Variants in NAV3 observed in about 807,000 individuals in gnomAD.
The protein encoded by NAV3 is neuron navigator 3, also known as pore membrane and/or filament interacting like protein 1.
NAV3 carries 87 observed loss-of-function variants against 244.7 expected under a neutral mutation model. The observed-to-expected ratio is 0.36, with a 90% confidence interval of 0.30 to 0.42. NAV3 has a LOEUF of 0.42. Among genes scored for constraint, NAV3 ranks in the 20% least tolerant of loss-of-function variants. The pLI, the probability that NAV3 is intolerant of heterozygous loss-of-function variation, is 1.00. For synonymous variants in NAV3, 1,126 were observed against 1,042.2 expected (o/e 1.08, Z -1.55); for missense variants, 2,663 against 2,893.3 (o/e 0.92, Z 1.83).
At chr12:77,679,996 G>A (rs1055278747) in intron 2 of NAV3, among the ~76,000 whole-genome samples, 14 of 152,120 alleles carry the variant, frequency 9.2e-5, no homozygotes, top group African/African-American at 3.1e-4. Flanking sequence ...GCTGAACTGA[G>A]TGAGAACGAA....
At position 78,210,537 on chromosome 12, in the gene NAV3, G is replaced by T; in HGVS notation, c.*20G>T. ...CTCTAGAGGGTGAAAAAAGTTAAGG[G>T]AAAAGACTTTGCTTTTAAAAAAATG... On this transcript the variant is annotated 3_prime_UTR_variant, in exon 40 of 40. Coordinates refer to ENST00000397909, the MANE Select transcript of NAV3 (RefSeq NM_001024383.2). 1.2e-6 allele frequency: 2 copies of T among 1,605,186 alleles called. No homozygotes were observed. Among genetic ancestry groups the T allele is most frequent in the South Asian group, 1.1e-5 (1 of 89,332 alleles).
chr12:78,089,853 C>T (rs866249926), intron 12 of NAV3, among the ~76,000 whole-genome samples: 4 of 152,146 alleles, frequency 2.6e-5, no homozygotes, highest in African/African-American at 4.8e-5. Flanking sequence ...TTCCATTCCT[C>T]TTTAACTTAA....
At chr12:77,847,648 A>G (rs370280038) in intron 1 of NAV3, among the ~76,000 whole-genome samples, 8 of 152,350 alleles carry the variant, frequency 5.3e-5, no homozygotes, top group African/African-American at 1.7e-4. Flanking sequence ...AAGATGCTAC[A>G]CAAAGTATTA....
At chr12:77,929,855 G>T (rs1419415345) in intron 1 of NAV3, among the ~76,000 whole-genome samples, 1 of 139,370 alleles carries the variant, frequency 7.2e-6, no homozygotes. Flanking sequence ...CACCATTTTG[G>T]CCAGGCTGGT....
intron 2 of NAV3, among the ~76,000 whole-genome samples, chr12:77,575,352 C>G (rs1417669423): frequency 2.0e-5 from 3 of 152,032 alleles, no homozygotes; most frequent in Non-Finnish European, 2.9e-5. Context: ...TAGTGTAGGA[C>G]TGGGTGAAAT....
chr12:77,595,146 GAAATA>G (rs1870109830), intron 2 of NAV3, among the ~76,000 whole-genome samples: 1 of 152,092 alleles, frequency 6.6e-6, no homozygotes, highest in South Asian at 2.1e-4. Context: ...CCAAGATATG[GAAATA>G]ACCCAAGTGT....
intron 1 of NAV3, among the ~76,000 whole-genome samples, chr12:77,886,152 T>A (rs888011737): frequency 6.6e-6 from 1 of 152,134 alleles, no homozygotes; most frequent in Non-Finnish European, 1.5e-5. Context: ...AATCTGACCA[T>A]TCTGCACCCA....
intron 23 of NAV3, among the ~76,000 whole-genome samples, chr12:78,160,404 C>T (rs10860044): frequency 0.017 from 2,454 of 144,764 alleles, 27 homozygotes; most frequent in Non-Finnish European, 0.025. Flanking sequence ...TGTGTGCGTG[C>T]GTGTGTGTGT....
At chr12:78,053,791 G>A (rs1433171394) in intron 11 of NAV3, among the ~76,000 whole-genome samples, 2 of 152,264 alleles carry the variant, frequency 1.3e-5, no homozygotes, top group East Asian at 1.9e-4. Context: ...AGCTGGAAAC[G>A]TCTGAGACTC....
intron 4 of NAV3, among the ~76,000 whole-genome samples, chr12:77,968,173 A>G (rs2137980002): frequency 6.6e-6 from 1 of 152,354 alleles, no homozygotes; most frequent in East Asian, 1.9e-4. Context: ...TTGTGAGGGA[A>G]TCAACATGCT....
intron 2 of NAV3, among the ~76,000 whole-genome samples, chr12:77,669,481 T>G (rs1873864994): frequency 1.3e-5 from 2 of 152,040 alleles, no homozygotes; most frequent in African/African-American, 4.8e-5. Context: ...AGGACTCACA[T>G]AAACTTAAGG....
At chr12:77,817,664 A>G (rs920128921) in intron 2 of NAV3, among the ~76,000 whole-genome samples, 1 of 152,018 alleles carries the variant, frequency 6.6e-6, no homozygotes, top group Non-Finnish European at 1.5e-5. Flanking sequence ...TTTCACTTTT[A>G]TTATAATTTT....
chr12:78,097,775 A>C (rs1005091914), intron 12 of NAV3, among the ~76,000 whole-genome samples: 1 of 152,154 alleles, frequency 6.6e-6, no homozygotes, highest in Admixed American at 6.5e-5. Context: ...AACCTTGTTC[A>C]CAGTTAGCTC....
intron 33 of NAV3, among the ~76,000 whole-genome samples, chr12:78,189,627 G>A (rs1958885952): frequency 6.6e-6 from 1 of 151,258 alleles, no homozygotes; most frequent in Non-Finnish European, 1.5e-5. Flanking sequence ...TATTCTTATA[G>A]TCTTCACATT....
chr12:77,711,886 C>G (rs1297420097), intron 2 of NAV3, among the ~76,000 whole-genome samples: 2 of 152,112 alleles, frequency 1.3e-5, no homozygotes, highest in Non-Finnish European at 2.9e-5. Flanking sequence ...TTTGTGTCTC[C>G]TGTATTTGGT....
intron 2 of NAV3, among the ~76,000 whole-genome samples, chr12:77,822,673 C>T (rs1283520165): frequency 1.3e-5 from 2 of 152,080 alleles, no homozygotes; most frequent in African/African-American, 4.8e-5. Flanking sequence ...AAACTTCATG[C>T]TCAGTATATC....
At chr12:78,114,014 C>G (rs1450003451) in intron 12 of NAV3, among the ~76,000 whole-genome samples, 1 of 152,160 alleles carries the variant, frequency 6.6e-6, no homozygotes, top group East Asian at 1.9e-4. Flanking sequence ...AATTATCGCT[C>G]TCAAGTTCAA....
chr12:78,206,284 A>C (rs1960299436), intron 39 of NAV3, among the ~76,000 whole-genome samples: 1 of 152,164 alleles, frequency 6.6e-6, no homozygotes, highest in African/African-American at 2.4e-5. Context: ...CTTTTAGATG[A>C]TTCATAGTTA....
intron 12 of NAV3, among the ~76,000 whole-genome samples, chr12:78,070,910 C>T (rs1347573451): frequency 2.7e-5 from 4 of 147,070 alleles, no homozygotes; most frequent in African/African-American, 7.6e-5. Flanking sequence ...GCATAGTATT[C>T]CATGGTGTAT....
Sources: gnomAD v4.1 joint callset for allele counts (sites outside exome capture counted in the v4.1 genomes callset) on GRCh38, gnomAD v4.1.1 for gene constraint, MANE v1.5 for transcripts, NCBI Gene and HGNC (gene_info 2026-07-23, HGNC 2026-07-21) for gene names.